Variants in DOCK4 observed in about 807,000 individuals in gnomAD.
DOCK4 encodes dedicator of cytokinesis 4, also known as dedicator of cytokinesis protein 4.
Under a neutral mutation model 268.1 loss-of-function variants are expected in DOCK4, and 97 were observed. That is an observed-to-expected ratio of 0.36 (90% CI 0.31 to 0.43). The LOEUF (loss-of-function observed/expected upper bound fraction) is 0.43, where lower values mean the gene tolerates loss of function less well. DOCK4 is among the 20% of genes least tolerant of loss of function. The pLI, the probability that DOCK4 is intolerant of heterozygous loss-of-function variation, is 1.00. For missense variants in DOCK4, 2,145 were observed against 2,455.7 expected, an observed-to-expected ratio of 0.87 and a Z score of 2.67; for synonymous variants, 954 against 887.2, an observed-to-expected ratio of 1.08 and a Z score of -1.34.
intron 30 of DOCK4, chr7:111,801,858 T>A (rs910516049): frequency 7.6e-6 from 1 of 131,242 alleles, no homozygotes; most frequent in Non-Finnish European, 1.5e-5. Flanking sequence ...CTGGGCTAAT[T>A]TTTTTTTTTT....
chr7:111,810,933 C>T (rs753486075), intron 28 of DOCK4, among the ~76,000 whole-genome samples: 4 of 152,036 alleles, frequency 2.6e-5, no homozygotes, highest in Non-Finnish European at 5.9e-5. Flanking sequence ...ACCTGGGAGG[C>T]GGAGGTGGCA....
intron 12 of DOCK4, among the ~76,000 whole-genome samples, chr7:111,932,989 C>T (rs535397734): frequency 6.6e-6 from 1 of 151,610 alleles, no homozygotes; most frequent in East Asian, 2.0e-4. Context: ...CAAATAGCAG[C>T]TCTACTATCT....
intron 5 of DOCK4, among the ~76,000 whole-genome samples, chr7:111,993,490 C>G (rs1799695074): frequency 6.6e-6 from 1 of 152,192 alleles, no homozygotes; most frequent in African/African-American, 2.4e-5. Flanking sequence ...GAGTACTTCA[C>G]TCTCTGTGCC....
intron 23 of DOCK4, among the ~76,000 whole-genome samples, chr7:111,861,698 A>T (rs1323801110): frequency 6.6e-6 from 1 of 150,792 alleles, no homozygotes; most frequent in Non-Finnish European, 1.5e-5. Flanking sequence ...GTGAGCTAAG[A>T]TCATGCCACT....
intron 23 of DOCK4, among the ~76,000 whole-genome samples, chr7:111,852,370 C>T (rs1057485288): frequency 6.6e-6 from 1 of 152,130 alleles, no homozygotes; most frequent in Non-Finnish European, 1.5e-5. Context: ...GCATTCTATA[C>T]ATTAAGAAAA....
chr7:111,844,501 G>C (rs746508986), intron 25 of DOCK4, among the ~76,000 whole-genome samples: 3 of 152,140 alleles, frequency 2.0e-5, no homozygotes, highest in Non-Finnish European at 4.4e-5. Context: ...ATAAAATCTT[G>C]GGTTAATTTA....
intron 1 of DOCK4, among the ~76,000 whole-genome samples, chr7:112,148,559 G>T (rs566206063): frequency 1.3e-5 from 2 of 151,888 alleles, no homozygotes; most frequent in East Asian, 3.9e-4. Context: ...GGGGCCAGTA[G>T]CATGTTTCAC....
At chr7:112,018,179 A>AAAAAAAAAAAAAAAAAAAAAAAAACAC in intron 1 of DOCK4, among the ~76,000 whole-genome samples, 2 of 72,590 alleles carry the variant, frequency 2.8e-5, no homozygotes, top group African/African-American at 5.4e-5. Flanking sequence ...AAAAAAAAAA[A>AAAAAAAAAAAAAAAAAAAAAAAAACAC]ACACAGGCAA....
chr7:112,201,691 G>A (rs1820949746), intron 1 of DOCK4, among the ~76,000 whole-genome samples: 2 of 152,254 alleles, frequency 1.3e-5, no homozygotes, highest in Non-Finnish European at 2.9e-5. Flanking sequence ...GCTAACAGAT[G>A]AGGACATGCA....
intron 12 of DOCK4, among the ~76,000 whole-genome samples, chr7:111,916,980 GTTTTTT>G (rs749349556): frequency 2.2e-3 from 182 of 83,966 alleles, no homozygotes; most frequent in African/African-American, 8.7e-3. Flanking sequence ...TTTCCCCCAT[GTTTTTT>G]TTTTTTTTTT....
At chr7:111,956,391 G>C (rs557003207) in intron 8 of DOCK4, among the ~76,000 whole-genome samples, 1 of 152,054 alleles carries the variant, frequency 6.6e-6, no homozygotes, top group African/African-American at 2.4e-5. Context: ...ATAATAAATC[G>C]TTCATGCATT....
intron 23 of DOCK4, among the ~76,000 whole-genome samples, chr7:111,851,504 C>T (rs1334359404): frequency 6.6e-6 from 1 of 151,318 alleles, no homozygotes; most frequent in Non-Finnish European, 1.5e-5. Flanking sequence ...CCTAGTGACT[C>T]TGAGTTAGAT....
At chr7:111,997,020 C>T (rs1033406176) in intron 4 of DOCK4, among the ~76,000 whole-genome samples, 4 of 152,180 alleles carry the variant, frequency 2.6e-5, no homozygotes, top group Non-Finnish European at 5.9e-5. Flanking sequence ...GGACTGGTTG[C>T]ACAGGCTTGC....
chr7:111,972,749 ACTAC>A (rs1797820394), intron 8 of DOCK4, among the ~76,000 whole-genome samples: 3 of 152,100 alleles, frequency 2.0e-5, no homozygotes, highest in Non-Finnish European at 4.4e-5. Context: ...ATATATACAT[ACTAC>A]CTAGATTCTA....
intron 35 of DOCK4, among the ~76,000 whole-genome samples, chr7:111,781,454 T>C (rs1798778138): frequency 6.6e-6 from 1 of 152,120 alleles, no homozygotes; most frequent in South Asian, 2.1e-4. Context: ...AAGTTAGAAA[T>C]GAGTACTGAG....
chr7:112,080,635 T>C (rs1302926716), intron 1 of DOCK4, among the ~76,000 whole-genome samples: 2 of 152,182 alleles, frequency 1.3e-5, no homozygotes, highest in African/African-American at 4.8e-5. Context: ...AAACATCACT[T>C]CCCATTTGGC....
At chr7:112,100,888 G>A (rs1361008660) in intron 1 of DOCK4, among the ~76,000 whole-genome samples, 1 of 152,162 alleles carries the variant, frequency 6.6e-6, no homozygotes, top group Non-Finnish European at 1.5e-5. Context: ...AGGGATATAA[G>A]GGAAGCATTT....
chr7:112,148,585 T>G (rs1308691519), intron 1 of DOCK4, among the ~76,000 whole-genome samples: 4 of 149,970 alleles, frequency 2.7e-5, no homozygotes, highest in Non-Finnish European at 5.9e-5. Context: ...CAATTTCACA[T>G]TTCAAATACA....
chr7:112,108,485 T>C (rs1484100672), intron 1 of DOCK4, among the ~76,000 whole-genome samples: 2 of 152,172 alleles, frequency 1.3e-5, no homozygotes, highest in Non-Finnish European at 2.9e-5. Context: ...CAAGAGAGTG[T>C]AATATTTTAC....
Sources: gnomAD v4.1 joint callset for allele counts (sites outside exome capture counted in the v4.1 genomes callset) on GRCh38, gnomAD v4.1.1 for gene constraint, MANE v1.5 for transcripts, NCBI Gene and HGNC (gene_info 2026-07-23, HGNC 2026-07-21) for gene names.